Variants in HDAC4 observed in about 807,000 individuals in gnomAD.
HDAC4 encodes histone deacetylase 4, also known as histone deacetylase A.
In HDAC4, 16 loss-of-function variants were observed where a neutral mutation model predicts 135.1. That is an observed-to-expected ratio of 0.12 (90% CI 0.08 to 0.18). The LOEUF is 0.18. Ranked by LOEUF, HDAC4 falls within the 10% of genes least tolerant of loss-of-function variation. HDAC4 has a pLI of 1.00. For missense variants in HDAC4, 1,143 were observed against 1,511.8 expected, an observed-to-expected ratio of 0.76 and a Z score of 4.05; for synonymous variants, 685 against 653.4, an observed-to-expected ratio of 1.05 and a Z score of -0.74.
chr2:239,285,077 C>T lies in HDAC4; in HGVS notation c.23-48413G>A, dbSNP rs1279597863. On this transcript the variant is annotated intron_variant, in intron 2 of 26. Transcript: ENST00000543185. This position sits in a 1 kb window ranked among gnomAD's most constrained non-coding sequence, Gnocchi z 4.5. ...CCAAGCCATCAAATAAAATACATCC[C>T]ACCCCACACCTAGACAATCTACAGT... is the stretch of plus-strand genomic sequence containing the variant. Among the ~76,000 whole-genome samples the T allele has an allele frequency of 1.3e-5, 2 of 152,154 alleles. No homozygotes were observed. Among genetic ancestry groups the T allele is most frequent in the African/African-American group, 4.8e-5 (2 of 41,446 alleles).
intron 3 of HDAC4, among the ~76,000 whole-genome samples, chr2:239,216,199 TAC>T (rs72330284): frequency 3.3e-4 from 39 of 119,488 alleles, no homozygotes; most frequent in Non-Finnish European, 5.0e-4. Flanking sequence ...TTTATATATA[TAC>T]ACACACACAC....
intron 3 of HDAC4, among the ~76,000 whole-genome samples, chr2:239,223,665 C>T (rs1022876955): frequency 1.3e-5 from 2 of 152,030 alleles, no homozygotes; most frequent in African/African-American, 4.8e-5. Flanking sequence ...TCAGTGTCCT[C>T]ATCATTGCTG....
chr2:239,346,761 C>G (rs949113236), intron 2 of HDAC4, among the ~76,000 whole-genome samples: 1 of 147,312 alleles, frequency 6.8e-6, no homozygotes, highest in African/African-American at 2.5e-5. Context: ...CACACCCTGT[C>G]TAAACACACA....
intron 2 of HDAC4, among the ~76,000 whole-genome samples, chr2:239,282,353 G>A (rs1490027364): frequency 7.1e-6 from 1 of 140,984 alleles, no homozygotes; most frequent in Non-Finnish European, 1.5e-5. Context: ...TCCACACAAT[G>A]TACACACCAC....
In HDAC4 at chr2:239,189,892, G is replaced by C. The variant is rs1259051471; in HGVS notation, c.280C>G (p.Gln94Glu). ...CGGGAGAGCTGCTCGTGCTGCCTCT[G>C]GAACTCAGCGATGAGGATCTGCCTC... Reference protein sequence around the residue: ...IQRQILIAEFQRQHEQLSRQH... With the variant: ...IQRQILIAEFERQHEQLSRQH... The change falls in exon 4 of 27, where the codon CAG (glutamine) becomes GAG (glutamate). Residue 94 changes from glutamine to glutamate, a missense_variant. This residue lies in a region of HDAC4 where 247 missense variants were observed against 310.0 expected (regional missense o/e 0.80). Transcript: ENST00000543185. The C allele has an allele frequency of 6.2e-7, 1 of 1,611,094 alleles. No homozygotes were observed. Among genetic ancestry groups the C allele is most frequent in the South Asian group, 1.1e-5 (1 of 91,042 alleles).
At chr2:239,282,813 A>G (rs1193354206) in intron 2 of HDAC4, among the ~76,000 whole-genome samples, 1 of 146,902 alleles carries the variant, frequency 6.8e-6, no homozygotes, top group Non-Finnish European at 1.5e-5. Flanking sequence ...ACACCACTCT[A>G]CACACAATGT....
intron 2 of HDAC4, among the ~76,000 whole-genome samples, chr2:239,289,958 C>A (rs2051365435): frequency 6.6e-6 from 1 of 152,152 alleles, no homozygotes. Context: ...CTTTACTCAC[C>A]ATTTTTGAGT....
chr2:239,328,916 A>G (rs1395717061), intron 2 of HDAC4, among the ~76,000 whole-genome samples: 1 of 152,262 alleles, frequency 6.6e-6, no homozygotes, highest in African/African-American at 2.4e-5. Flanking sequence ...AGCTCCCCGA[A>G]GCAGCATGCC....
At chr2:239,093,929 G>T in intron 17 of HDAC4, 4 of 983,708 alleles carry the variant, frequency 4.1e-6, no homozygotes, top group Non-Finnish European at 4.8e-6. Context: ...AGGAGGGCTT[G>T]GTGGTGGTAT....
In HDAC4 at chr2:239,145,839, T is replaced by A. The variant is rs554934616; in HGVS notation, c.734-1125A>T. Among the ~76,000 whole-genome samples the A allele has an allele frequency of 2.6e-4, 39 of 152,336 alleles. No homozygotes were observed. In the South Asian group the frequency reaches 8.1e-3, roughly 32 times the overall value. On this transcript the variant is annotated intron_variant, in intron 7 of 26. Transcript: ENST00000543185. ...AAGCAGGACTGATGTGGCTGGGCGA[T>A]GGGGACCAACATGACTTCACTCTTT...
intron 2 of HDAC4, among the ~76,000 whole-genome samples, chr2:239,286,142 T>C (rs1290950572): frequency 2.2e-4 from 33 of 152,252 alleles, no homozygotes; most frequent in Admixed American, 2.2e-3. Flanking sequence ...ATGTATGTTT[T>C]GATTAAATAA....
intron 2 of HDAC4, among the ~76,000 whole-genome samples, chr2:239,280,663 G>C (rs548453319): frequency 5.9e-5 from 9 of 152,134 alleles, no homozygotes; most frequent in Non-Finnish European, 1.2e-4. Context: ...ACAAAGATGC[G>C]ACGCAACATC....
At chr2:239,312,424 C>G (rs905924235) in intron 2 of HDAC4, among the ~76,000 whole-genome samples, 4 of 152,210 alleles carry the variant, frequency 2.6e-5, no homozygotes, top group African/African-American at 9.6e-5. Context: ...GGAGCCCACA[C>G]GCAGGGCACG....
rs142695228 is a variant in HDAC4 at position 239,172,294 on chromosome 2, ATATAT to A, written c.490+4114_490+4118del. ...GTGATTACCAAGCTGGTGAAAAAAA[ATATAT>A]ATATATATATATATATATATCACTA... On this transcript the variant is annotated intron_variant, in intron 5 of 26. Transcript: ENST00000543185. Among the ~76,000 whole-genome samples, 530 of 136,898 alleles carry A rather than the reference ATATAT, an allele frequency of 3.9e-3. 9 individuals carry two copies. Among genetic ancestry groups the A allele is most frequent in the African/African-American group, 0.011 (414 of 36,332 alleles). 89.8% of individuals were successfully genotyped at this position (136,898 alleles called of 152,430 possible). A position where few individuals can be genotyped will look rare whatever the true frequency, so the allele number is the denominator to read the frequency against.
At chr2:239,225,835 G>A (rs1199014025) in intron 3 of HDAC4, among the ~76,000 whole-genome samples, 3 of 152,200 alleles carry the variant, frequency 2.0e-5, no homozygotes, top group African/African-American at 4.8e-5. Flanking sequence ...AAACACAGAG[G>A]GCCTGAGTTT....
chr2:239,312,539 C>T (rs896154441), intron 2 of HDAC4, among the ~76,000 whole-genome samples: 1 of 152,250 alleles, frequency 6.6e-6, no homozygotes, highest in African/African-American at 2.4e-5. Flanking sequence ...CGACTGTCCT[C>T]CATTCTAAAG....
At chr2:239,214,419 C>T (rs534896394) in intron 3 of HDAC4, among the ~76,000 whole-genome samples, 3 of 152,354 alleles carry the variant, frequency 2.0e-5, no homozygotes. Flanking sequence ...TGAGTAACAA[C>T]CCCATCTGCA....
At chr2:239,217,872 G>A (rs568220825) in intron 3 of HDAC4, among the ~76,000 whole-genome samples, 42 of 152,272 alleles carry the variant, frequency 2.8e-4, no homozygotes, top group East Asian at 1.4e-3. Context: ...GAGGGGGATC[G>A]TTTGAGGCCA....
chr2:239,271,082 T>C (rs1471774480), intron 2 of HDAC4, among the ~76,000 whole-genome samples: 1 of 152,232 alleles, frequency 6.6e-6, no homozygotes, highest in Non-Finnish European at 1.5e-5. Context: ...GATTCAGAAT[T>C]TAAAACCAGT....
Sources: gnomAD v4.1 joint callset for allele counts (sites outside exome capture counted in the v4.1 genomes callset) on GRCh38, gnomAD v4.1.1 for gene constraint, gnomAD v4.1.1 regional missense constraint, Gnocchi (gnomAD v3.1) non-coding constraint, MANE v1.5 for transcripts, NCBI Gene and HGNC (gene_info 2026-07-23, HGNC 2026-07-21) for gene names.